Variants in CFAP299 observed in about 807,000 individuals in gnomAD.
CFAP299 encodes the protein cilia- and flagella-associated protein 299.
Under a neutral mutation model 27.0 loss-of-function variants are expected in CFAP299, and 21 were observed. That is an observed-to-expected ratio of 0.78 (90% confidence interval 0.55 to 1.12). The LOEUF (loss-of-function observed/expected upper bound fraction) is 1.12, where lower values mean the gene tolerates loss of function less well. CFAP299 is among the 50% of genes most tolerant of loss of function. The probability of loss-of-function intolerance (pLI) is 0.00; values close to 1 mark genes in which losing one functional copy is unlikely to be tolerated. For missense variants in CFAP299, 310 were observed against 276.6 expected (o/e 1.12, Z -0.86); for synonymous variants, 104 against 98.1 (o/e 1.06, Z -0.36).
chr4:80,767,503 G>A (rs1725946322), intron 3 of CFAP299, among the ~76,000 whole-genome samples: 1 of 152,168 alleles, frequency 6.6e-6, no homozygotes, highest in African/African-American at 2.4e-5. Flanking sequence ...CAGCTACTGA[G>A]GAGGCTGAGG....
intron 2 of CFAP299, among the ~76,000 whole-genome samples, chr4:80,438,447 A>G (rs1489867397): frequency 2.0e-5 from 3 of 152,204 alleles, no homozygotes; most frequent in African/African-American, 7.2e-5. Context: ...TTTTTCTTCT[A>G]CCAACATGTA....
intron 2 of CFAP299, among the ~76,000 whole-genome samples, chr4:80,373,673 A>G (rs1354457695): frequency 6.6e-6 from 1 of 152,188 alleles, no homozygotes; most frequent in East Asian, 1.9e-4. Flanking sequence ...GTCATTGGGC[A>G]CATTACATCA....
intron 2 of CFAP299, chr4:80,388,043 TG>T: frequency 1.4e-6 from 1 of 691,642 alleles, no homozygotes; most frequent in Non-Finnish European, 2.6e-6. Flanking sequence ...CACCAGTGCC[TG>T]GATCTCCACC....
At chr4:80,578,498 T>C (rs1001946762) in intron 2 of CFAP299, among the ~76,000 whole-genome samples, 2 of 152,260 alleles carry the variant, frequency 1.3e-5, no homozygotes, top group East Asian at 3.9e-4. Flanking sequence ...ATCTTCCTCA[T>C]TGAGTTTATA....
In CFAP299 at chr4:80,403,300, A is replaced by G. The variant is rs149088369; in HGVS notation, c.242+40416A>G. Among the ~76,000 whole-genome samples, 1,478 of 152,336 alleles carry G rather than the reference A, an allele frequency of 9.7e-3. 12 individuals carry two copies. Among genetic ancestry groups the G allele is most frequent in the Non-Finnish European group, 0.013 (893 of 68,022 alleles). ...AAGTGCTGAAAAAAATTTCCTTTTAATAGAAATAGTTGCTCTTTGCGATAA... is the reference window on the plus strand; with the variant it reads ...AAGTGCTGAAAAAAATTTCCTTTTAGTAGAAATAGTTGCTCTTTGCGATAA... On this transcript the variant is annotated intron_variant, in intron 2 of 5. Transcript: ENST00000358105.
intron 2 of CFAP299, among the ~76,000 whole-genome samples, chr4:80,390,878 T>TATATACACACATATATGC (rs1560543906): frequency 7.5e-5 from 5 of 66,702 alleles, no homozygotes; most frequent in Admixed American, 2.0e-4. Flanking sequence ...CACATATATG[T>TATATACACACATATATGC]ATATATGTAT....
At chr4:80,339,006 C>A (rs1171900602) in intron 1 of CFAP299, among the ~76,000 whole-genome samples, 3 of 152,166 alleles carry the variant, frequency 2.0e-5, no homozygotes, top group African/African-American at 7.2e-5. Flanking sequence ...TTGGTTTCAG[C>A]CAATAGGAGG....
chr4:80,833,277 T>A (rs974964632), intron 3 of CFAP299, among the ~76,000 whole-genome samples: 3 of 152,200 alleles, frequency 2.0e-5, no homozygotes, highest in African/African-American at 7.2e-5. Context: ...TTAATGTTTC[T>A]GAGCCCAGGA....
intron 3 of CFAP299, among the ~76,000 whole-genome samples, chr4:80,858,887 T>G (rs1262848931): frequency 6.6e-6 from 1 of 152,156 alleles, no homozygotes; most frequent in Non-Finnish European, 1.5e-5. Flanking sequence ...GTATATTCTG[T>G]TGATTTGGGG....
At chr4:80,535,425 G>A in intron 2 of CFAP299, among the ~76,000 whole-genome samples, 1 of 71,276 alleles carries the variant, frequency 1.4e-5, no homozygotes, top group Admixed American at 1.1e-4. Flanking sequence ...AACCCGGGAG[G>A]CGGAGCTTGC....
rs558647740 is a variant in CFAP299 at position 80,610,417 on chromosome 4, A to T, written c.333+27234A>T. ...TAACAAAACGGTATGCAAATTTAGT[A>T]CCTACAGAGAAATAGCCACTTCTCA... is the stretch of plus-strand genomic sequence containing the variant. On this transcript the variant is annotated intron_variant, in intron 3 of 5. Coordinates refer to ENST00000358105, the MANE Select transcript of CFAP299 (RefSeq NM_152770.3). Among the ~76,000 whole-genome samples the T allele has an allele frequency of 6.6e-4, 101 of 152,184 alleles. No individual in the cohort carries two copies. The Middle Eastern group carries it at 0.01, about 15-fold the overall frequency.
chr4:80,802,336 G>T (rs566966021), intron 3 of CFAP299, among the ~76,000 whole-genome samples: 78 of 152,064 alleles, frequency 5.1e-4, no homozygotes, highest in Non-Finnish European at 5.1e-4. Flanking sequence ...TTAGCAGTGT[G>T]TGGGTGCTTT....
intron 2 of CFAP299, among the ~76,000 whole-genome samples, chr4:80,428,564 TCA>T (rs1727638426): frequency 6.6e-6 from 1 of 152,160 alleles, no homozygotes; most frequent in Non-Finnish European, 1.5e-5. Context: ...TCTCACTCTG[TCA>T]CCTGGGCTGG....
chr4:80,552,049 C>T (rs775558251), intron 2 of CFAP299, among the ~76,000 whole-genome samples: 9 of 151,902 alleles, frequency 5.9e-5, no homozygotes, highest in Non-Finnish European at 1.2e-4. Flanking sequence ...ATGCCCGGCC[C>T]GAAAGCTTTT....
At chr4:80,693,464 G>A (rs1402207594) in intron 3 of CFAP299, among the ~76,000 whole-genome samples, 8 of 147,062 alleles carry the variant, frequency 5.4e-5, no homozygotes, top group South Asian at 2.2e-4. Context: ...ACCAAACACC[G>A]CATATTCTCA....
At chr4:80,477,185 C>T (rs1452889086) in intron 2 of CFAP299, among the ~76,000 whole-genome samples, 1 of 152,120 alleles carries the variant, frequency 6.6e-6, no homozygotes, top group Non-Finnish European at 1.5e-5. Flanking sequence ...ACCTCAGTCC[C>T]CAAGTAGTTG....
intron 2 of CFAP299, among the ~76,000 whole-genome samples, chr4:80,409,691 T>C (rs1299129461): frequency 3.3e-5 from 5 of 152,214 alleles, no homozygotes; most frequent in African/African-American, 1.2e-4. Flanking sequence ...AGCAGTGCAC[T>C]TCCAAATTTG....
At position 80,717,196 on chromosome 4, in the gene CFAP299, A is replaced by G. The variant is rs184235714; in HGVS notation, c.333+134013A>G. On this transcript the variant is annotated intron_variant, in intron 3 of 5. Coordinates refer to ENST00000358105, the MANE Select transcript of CFAP299 (RefSeq NM_152770.3). ...TGAAAAAAATGTGATGAATACTATGATAGGGTAAACTAAGGTGGGGTGGTG... is the reference window on the plus strand; with the variant it reads ...TGAAAAAAATGTGATGAATACTATGGTAGGGTAAACTAAGGTGGGGTGGTG... Among the ~76,000 whole-genome samples the G allele has an allele frequency of 9.2e-5, 14 of 152,246 alleles. No homozygotes were observed. The East Asian group carries it at 2.1e-3, about 23-fold the overall frequency.
At chr4:80,745,156 C>A (rs1724514953) in intron 3 of CFAP299, among the ~76,000 whole-genome samples, 1 of 152,152 alleles carries the variant, frequency 6.6e-6, no homozygotes, top group African/African-American at 2.4e-5. Flanking sequence ...GAAGATCTTT[C>A]TTCGCTAGGC....
Sources: gnomAD v4.1 joint callset for allele counts (sites outside exome capture counted in the v4.1 genomes callset) on GRCh38, gnomAD v4.1.1 for gene constraint, MANE v1.5 for transcripts, NCBI Gene and HGNC (gene_info 2026-07-23, HGNC 2026-07-21) for gene names.